SPOCK1: variants seen among roughly 807,000 people sequenced by gnomAD.
SPOCK1 encodes SPARC (osteonectin), cwcv and kazal like domains proteoglycan 1.
SPOCK1 carries 23 observed loss-of-function variants against 55.3 expected under a neutral mutation model. That is an observed-to-expected ratio of 0.42 (90% CI 0.30 to 0.59). The LOEUF (loss-of-function observed/expected upper bound fraction) is 0.59, where lower values mean the gene tolerates loss of function less well. Among genes scored for constraint, SPOCK1 ranks in the 20% least tolerant of loss-of-function variants. The pLI is 0.22. For synonymous variants in SPOCK1, 226 were observed against 221.0 expected, an observed-to-expected ratio of 1.02 and a Z score of -0.20; for missense variants, 499 against 552.5, an observed-to-expected ratio of 0.90 and a Z score of 0.97.
At position 137,361,614 on chromosome 5, in the gene SPOCK1, G is replaced by T. The variant is rs77144541; in HGVS notation, c.187-94559C>A. On this transcript the variant is annotated intron_variant, in intron 2 of 10. Transcript: ENST00000394945. ...TATGTAAACATTTACACACGATTAG[G>T]AATCTGGAAGGAAATATGCTAAAAA... Among the ~76,000 whole-genome samples, 1,070 of 152,304 alleles carry T rather than the reference G, an allele frequency of 7.0e-3. 8 individuals are homozygous for T. Among genetic ancestry groups the T allele is most frequent in the Non-Finnish European group, 0.011 (778 of 68,040 alleles).
intron 3 of SPOCK1, among the ~76,000 whole-genome samples, chr5:137,205,770 G>T (rs2127078730): frequency 6.6e-6 from 1 of 152,276 alleles, no homozygotes; most frequent in Middle Eastern, 3.4e-3. Context: ...CTGGTCACTG[G>T]GGAGAGAAAC....
chr5:137,407,758 A>G (rs1306469686), intron 2 of SPOCK1, among the ~76,000 whole-genome samples: 2 of 152,200 alleles, frequency 1.3e-5, no homozygotes, highest in Non-Finnish European at 2.9e-5. Flanking sequence ...CTCTGTAAGA[A>G]AACACAAGCC....
chr5:137,042,495 A>G (rs1443357567), intron 6 of SPOCK1, among the ~76,000 whole-genome samples: 1 of 152,174 alleles, frequency 6.6e-6, no homozygotes, highest in East Asian at 1.9e-4. Context: ...GGATCCTAGG[A>G]TGTAATGCAG....
At chr5:137,021,835 C>A (rs184786891) in intron 6 of SPOCK1, among the ~76,000 whole-genome samples, 1 of 151,894 alleles carries the variant, frequency 6.6e-6, no homozygotes, top group African/African-American at 2.4e-5. Context: ...TTTTTTAATA[C>A]CCATATGTTT....
chr5:137,375,793 A>C (rs1471786578), intron 2 of SPOCK1, among the ~76,000 whole-genome samples: 1 of 152,210 alleles, frequency 6.6e-6, no homozygotes, highest in Non-Finnish European at 1.5e-5. Flanking sequence ...GAACCGGCTA[A>C]TGGGAGCTTT....
At chr5:137,273,497 T>C in intron 2 of SPOCK1, 1 of 500,346 alleles carries the variant, frequency 2.0e-6, no homozygotes, top group Non-Finnish European at 2.6e-6. Flanking sequence ...ATCATAACAT[T>C]AGAAAGGTCA....
intron 9 of SPOCK1, 144 bp downstream of exon 9, chr5:136,984,996 G>T: frequency 1.2e-6 from 1 of 822,208 alleles, no homozygotes; most frequent in Non-Finnish European, 2.0e-6. Context: ...CAGCTGCCTG[G>T]AAGAGCTCTG....
chr5:137,104,982 G>T (rs4976409), intron 5 of SPOCK1, among the ~76,000 whole-genome samples: 38,922 of 152,126 alleles, frequency 0.26, 5,456 homozygotes, highest in Non-Finnish European at 0.32. Flanking sequence ...TGCCAAAAAA[G>T]TTGGGGACCG....
chr5:137,424,356 G>A (rs1210061095), intron 2 of SPOCK1, among the ~76,000 whole-genome samples: 2 of 152,190 alleles, frequency 1.3e-5, no homozygotes, highest in African/African-American at 2.4e-5. Context: ...ACTCCAGCCT[G>A]GGTGACAGAG....
intron 5 of SPOCK1, among the ~76,000 whole-genome samples, chr5:137,107,426 C>T (rs11741632): frequency 0.13 from 19,978 of 152,190 alleles, 1,520 homozygotes; most frequent in East Asian, 0.23. Context: ...GTCTATATCA[C>T]ACTCTCAAAC....
chr5:137,060,958 C>T (rs1281108183), intron 6 of SPOCK1, among the ~76,000 whole-genome samples: 1 of 152,178 alleles, frequency 6.6e-6, no homozygotes, highest in Non-Finnish European at 1.5e-5. Flanking sequence ...GATGCAGTTG[C>T]CAATTTAATT....
chr5:137,149,207 T>G (rs1245129505), intron 3 of SPOCK1, among the ~76,000 whole-genome samples: 2 of 152,232 alleles, frequency 1.3e-5, no homozygotes, highest in Non-Finnish European at 2.9e-5. Context: ...AGTGTGCGTA[T>G]GTTCCACACT....
At chr5:137,175,258 T>G (rs1192144608) in intron 3 of SPOCK1, among the ~76,000 whole-genome samples, 1 of 152,140 alleles carries the variant, frequency 6.6e-6, no homozygotes, top group Non-Finnish European at 1.5e-5. Context: ...CTGTGGGTAG[T>G]AAAACCATGT....
intron 3 of SPOCK1, among the ~76,000 whole-genome samples, chr5:137,240,616 A>G (rs1201434168): frequency 6.6e-6 from 1 of 152,224 alleles, no homozygotes; most frequent in African/African-American, 2.4e-5. Context: ...ACACAGGAAG[A>G]CAAACTCACA....
At chr5:137,313,427 C>A in intron 2 of SPOCK1, 1 of 985,434 alleles carries the variant, frequency 1.0e-6, no homozygotes, top group South Asian at 4.7e-5. Flanking sequence ...AAGTGTCTTA[C>A]CTGCTGCAAG....
chr5:137,405,347 A>C (rs1752074497), intron 2 of SPOCK1, among the ~76,000 whole-genome samples: 1 of 152,200 alleles, frequency 6.6e-6, no homozygotes, highest in South Asian at 2.1e-4. Flanking sequence ...AATCGGCTGA[A>C]CTGCAAGTTA....
At chr5:137,383,528 T>C (rs1751524619) in intron 2 of SPOCK1, among the ~76,000 whole-genome samples, 1 of 152,220 alleles carries the variant, frequency 6.6e-6, no homozygotes. Context: ...TGTGAAAGGC[T>C]GACCTTGCAA....
intron 2 of SPOCK1, among the ~76,000 whole-genome samples, chr5:137,424,736 A>G (rs777276954): frequency 1.3e-5 from 2 of 152,264 alleles, no homozygotes; most frequent in Non-Finnish European, 2.9e-5. Context: ...GAAAGAAGCC[A>G]GACACTAAAG....
intron 2 of SPOCK1, among the ~76,000 whole-genome samples, chr5:137,412,055 C>T (rs1290190055): frequency 1.3e-5 from 2 of 152,132 alleles, no homozygotes; most frequent in Non-Finnish European, 2.9e-5. Context: ...ACAATCCACC[C>T]ACAATGTGAA....
Sources: gnomAD v4.1 joint callset for allele counts (sites outside exome capture counted in the v4.1 genomes callset) on GRCh38, gnomAD v4.1.1 for gene constraint, MANE v1.5 for transcripts, NCBI Gene and HGNC (gene_info 2026-07-23, HGNC 2026-07-21) for gene names.